Variants in CAMK4 observed in about 807,000 individuals in gnomAD.
The protein encoded by CAMK4 is calcium/calmodulin-dependent protein kinase type IV.
CAMK4 carries 22 observed loss-of-function variants against 44.9 expected under a neutral mutation model. The observed-to-expected ratio is 0.49, with a 90% CI of 0.35 to 0.70. The LOEUF is 0.70. Ranked by LOEUF, CAMK4 falls within the 30% of genes least tolerant of loss-of-function variation. The pLI is 0.01. For synonymous variants in CAMK4, 218 were observed against 215.4 expected, an observed-to-expected ratio of 1.01 and a Z score of -0.11; for missense variants, 498 against 586.8, an observed-to-expected ratio of 0.85 and a Z score of 1.56.
chr5:111,244,294 T>C (rs1220562917), intron 1 of CAMK4, among the ~76,000 whole-genome samples: 1 of 152,234 alleles, frequency 6.6e-6, no homozygotes, highest in Non-Finnish European at 1.5e-5. Context: ...AGGATATGTC[T>C]TAAAAATTGA....
chr5:111,469,708 T>C (rs1434166393), intron 7 of CAMK4, among the ~76,000 whole-genome samples: 2 of 152,216 alleles, frequency 1.3e-5, no homozygotes, highest in Non-Finnish European at 2.9e-5. Context: ...TAGGGCAGCA[T>C]ACACAGTAGC....
chr5:111,256,588 G>A (rs549856960), intron 1 of CAMK4, among the ~76,000 whole-genome samples: 2 of 152,098 alleles, frequency 1.3e-5, no homozygotes, highest in African/African-American at 4.8e-5. Flanking sequence ...TGGGCCAATA[G>A]TTTTAGAGAG....
At chr5:111,446,602 T>C in intron 5 of CAMK4, 84 bp from the exon 6 acceptor site, 2 of 724,446 alleles carry the variant, frequency 2.8e-6, no homozygotes, top group South Asian at 1.8e-5. Context: ...ATCACATAAC[T>C]TATAGTTCTT....
In CAMK4 at chr5:111,491,046, A is replaced by G. The variant is rs1159213827; in HGVS notation, c.*6580A>G. 1.3e-5 allele frequency: 2 copies of G among 152,220 alleles called. No individual in the cohort carries two copies. The highest frequency in any genetic ancestry group is 4.8e-5 in the African/African-American group (2 of 41,452). 9.4% of individuals were successfully genotyped at this position (152,220 alleles called of 1,614,324 possible). On this transcript the variant is annotated 3_prime_UTR_variant, in exon 11 of 11. Coordinates refer to ENST00000282356, the MANE Select transcript of CAMK4 (RefSeq NM_001744.6). ...TTATGCTCTTACTTGAATGTCAGTC[A>G]TTCATTTTATCTCTCGTCTTTGAGA...
intron 7 of CAMK4, among the ~76,000 whole-genome samples, chr5:111,460,835 A>T (rs1754618779): frequency 6.6e-6 from 1 of 152,132 alleles, no homozygotes. Context: ...TTCACAGGGC[A>T]ATAAAAATAA....
intron 2 of CAMK4, among the ~76,000 whole-genome samples, chr5:111,348,173 A>G (rs1265731836): frequency 1.3e-5 from 2 of 152,046 alleles, no homozygotes; most frequent in African/African-American, 4.8e-5. Context: ...GTCTTCTCTC[A>G]TAGCTTAATA....
Position 111,482,724 on chromosome 5 carries a change from TGAGGGCAAGCCC to T in CAMK4, c.829-60_829-49del. The T allele has an allele frequency of 7.3e-7, 1 of 1,367,466 alleles. No homozygotes were observed. Among genetic ancestry groups the T allele is most frequent in the Non-Finnish European group, 1.0e-6 (1 of 993,030 alleles). 84.7% of individuals were successfully genotyped at this position (1,367,466 alleles called of 1,614,324 possible). On this transcript the variant is annotated intron_variant, in intron 9 of 10. Transcript: ENST00000282356. The surrounding 1 kb of genome is among the most constrained non-coding windows in gnomAD (Gnocchi z 4.9). ...GAATAAGATCTGGAAGTTTGTAAGC[TGAGGGCAAGCCC>T]AGGTCATCCTAAAAACCTCGCTAAG...
At chr5:111,470,947 G>A (rs1250799620) in intron 7 of CAMK4, among the ~76,000 whole-genome samples, 2 of 152,156 alleles carry the variant, frequency 1.3e-5, no homozygotes, top group Non-Finnish European at 2.9e-5. Flanking sequence ...AAAATGCCTT[G>A]AGCATCCAAA....
chr5:111,232,410 T>G (rs1181485115), intron 1 of CAMK4, among the ~76,000 whole-genome samples: 7 of 152,038 alleles, frequency 4.6e-5, no homozygotes, highest in Non-Finnish European at 1.5e-5. Flanking sequence ...GGTAGAGCAC[T>G]GGCAAACAGC....
intron 8 of CAMK4, among the ~76,000 whole-genome samples, chr5:111,476,024 A>G (rs1453380266): frequency 6.6e-6 from 1 of 152,294 alleles, no homozygotes; most frequent in African/African-American, 2.4e-5. Context: ...AAGCTACGTT[A>G]TAAGCTTCAG....
chr5:111,436,796 G>T (rs1321711723), intron 5 of CAMK4, among the ~76,000 whole-genome samples: 1 of 152,132 alleles, frequency 6.6e-6, no homozygotes, highest in Non-Finnish European at 1.5e-5. Flanking sequence ...TTTATGAAAA[G>T]TTTCAGACAC....
At chr5:111,372,955 G>A (rs925027252) in intron 2 of CAMK4, among the ~76,000 whole-genome samples, 5 of 152,124 alleles carry the variant, frequency 3.3e-5, no homozygotes, top group Non-Finnish European at 5.9e-5. Flanking sequence ...GTATTAAAAT[G>A]TACAGATCAT....
At chr5:111,471,735 C>T (rs1212866533) in intron 7 of CAMK4, among the ~76,000 whole-genome samples, 1 of 152,066 alleles carries the variant, frequency 6.6e-6, no homozygotes, top group Non-Finnish European at 1.5e-5. Flanking sequence ...TTTGAAGACT[C>T]CTCATATTTT....
chr5:111,410,646 T>C (rs888020168), intron 5 of CAMK4, among the ~76,000 whole-genome samples: 1 of 152,196 alleles, frequency 6.6e-6, no homozygotes, highest in African/African-American at 2.4e-5. Context: ...TTCTGTTTTG[T>C]ATTATATGGG....
intron 7 of CAMK4, among the ~76,000 whole-genome samples, chr5:111,471,214 AAACTTTGCTC>A (rs139657408): frequency 0.023 from 3,452 of 152,312 alleles, 136 homozygotes; most frequent in African/African-American, 0.079. Flanking sequence ...CATCGAGTGA[AAACTTTGCTC>A]AACTTTTAAT....
chr5:111,378,453 G>T (rs1751295889), intron 4 of CAMK4, among the ~76,000 whole-genome samples: 1 of 152,000 alleles, frequency 6.6e-6, no homozygotes, highest in Non-Finnish European at 1.5e-5. Flanking sequence ...TTTTTCAAAG[G>T]TTCTGTCTCT....
At chr5:111,311,506 C>T (rs146746999) in intron 1 of CAMK4, among the ~76,000 whole-genome samples, 1 of 152,152 alleles carries the variant, frequency 6.6e-6, no homozygotes, top group Non-Finnish European at 1.5e-5. Flanking sequence ...GAGTAAAAAG[C>T]CTATGTAATG....
intron 1 of CAMK4, among the ~76,000 whole-genome samples, chr5:111,318,257 T>A (rs1036185559): frequency 2.6e-5 from 4 of 152,108 alleles, no homozygotes; most frequent in African/African-American, 9.7e-5. Flanking sequence ...GTTGGCAAAG[T>A]GTATGGCTAG....
At chr5:111,319,345 G>T (rs988339892) in intron 1 of CAMK4, among the ~76,000 whole-genome samples, 2 of 152,182 alleles carry the variant, frequency 1.3e-5, no homozygotes, top group Non-Finnish European at 2.9e-5. Context: ...CTTGGATTCA[G>T]TATCAGCTTT....
Sources: gnomAD v4.1 joint callset for allele counts (sites outside exome capture counted in the v4.1 genomes callset) on GRCh38, gnomAD v4.1.1 for gene constraint, Gnocchi (gnomAD v3.1) non-coding constraint, MANE v1.5 for transcripts, NCBI Gene and HGNC (gene_info 2026-07-23, HGNC 2026-07-21) for gene names.